Variants in POLN observed in about 807,000 individuals in gnomAD.
POLN encodes the protein DNA polymerase nu, also known as DNA polymerase N.
Under a neutral mutation model 113.5 loss-of-function variants are expected in POLN, and 108 were observed. The observed-to-expected ratio is 0.95, with a 90% CI of 0.81 to 1.12. The LOEUF (loss-of-function observed/expected upper bound fraction) is 1.12, where lower values mean the gene tolerates loss of function less well. POLN is among the 50% of genes most tolerant of loss of function. The pLI is 0.00. For missense variants in POLN, 1,097 were observed against 1,077.1 expected, an observed-to-expected ratio of 1.02 and a Z score of -0.26; for synonymous variants, 386 against 391.5, an observed-to-expected ratio of 0.99 and a Z score of 0.17.
At position 2,081,219 on chromosome 4, in the gene POLN, C is replaced by G; in HGVS notation, c.2309-183G>C. The G allele has an allele frequency of 2.6e-6, 4 of 1,545,404 alleles. No homozygotes were observed. The South Asian group carries it at 4.7e-5, about 18-fold the overall frequency. ...ACTTCGTCCTTGCTCCTCCCGCCCTCTTGCTCCTGCAGGGCACCTGGGTTT... is the reference window on the plus strand; with the variant it reads ...ACTTCGTCCTTGCTCCTCCCGCCCTGTTGCTCCTGCAGGGCACCTGGGTTT... On this transcript the variant is annotated intron_variant, in intron 22 of 25. Coordinates refer to ENST00000511885, the MANE Select transcript of POLN (RefSeq NM_181808.4).
intron 3 of POLN, among the ~76,000 whole-genome samples, chr4:2,219,713 C>T (rs551329013): frequency 6.6e-6 from 1 of 152,160 alleles, no homozygotes; most frequent in African/African-American, 2.4e-5. Context: ...CAGCCCTCCA[C>T]AATATGGCCA....
chr4:2,189,657 A>G lies in POLN; in HGVS notation c.1021+3547T>C, dbSNP rs533694363. ...CCATCTCAAACAAAAAAAAAAGAAAAAAAATCAATGTTACATGAAGCAATC... is the reference window on the plus strand; with the variant it reads ...CCATCTCAAACAAAAAAAAAAGAAAGAAAATCAATGTTACATGAAGCAATC... On this transcript the variant is annotated intron_variant, in intron 7 of 25. Coordinates refer to ENST00000511885, the MANE Select transcript of POLN (RefSeq NM_181808.4). Among the ~76,000 whole-genome samples, 4 of 152,004 alleles carry G rather than the reference A, an allele frequency of 2.6e-5. No individual in the cohort carries two copies. The South Asian group carries it at 8.3e-4, about 32-fold the overall frequency.
At chr4:2,108,613 T>C (rs1407258192) in intron 19 of POLN, among the ~76,000 whole-genome samples, 4 of 152,186 alleles carry the variant, frequency 2.6e-5, no homozygotes, top group East Asian at 1.9e-4. Context: ...TTGCATCACA[T>C]GTATTGACGC....
At chr4:2,226,970 G>C (rs1267496634) in intron 3 of POLN, among the ~76,000 whole-genome samples, 1 of 152,150 alleles carries the variant, frequency 6.6e-6, no homozygotes, top group Non-Finnish European at 1.5e-5. Context: ...GGATTCATAT[G>C]ATGAAGGAAT....
intron 19 of POLN, among the ~76,000 whole-genome samples, chr4:2,109,382 TAATC>T (rs1228087642): frequency 3.3e-5 from 5 of 152,140 alleles, no homozygotes; most frequent in African/African-American, 1.2e-4. Context: ...AAAAGAGCAA[TAATC>T]AAAATAATAC....
chr4:2,178,610 G>C (rs1306639079), intron 8 of POLN, among the ~76,000 whole-genome samples: 1 of 150,786 alleles, frequency 6.6e-6, no homozygotes, highest in Non-Finnish European at 1.5e-5. Flanking sequence ...AGAGGCCCAA[G>C]ACAGTTTTTT....
intron 20 of POLN, among the ~76,000 whole-genome samples, chr4:2,094,911 A>C (rs1730748747): frequency 6.6e-6 from 1 of 152,120 alleles, no homozygotes; most frequent in East Asian, 1.9e-4. Context: ...TGAATAAACA[A>C]AGGGTTTCCA....
At chr4:2,090,118 GCTAA>G (rs1308721262) in intron 20 of POLN, 8 of 975,942 alleles carry the variant, frequency 8.2e-6, no homozygotes, top group Non-Finnish European at 9.2e-6. Context: ...CAAATGATTT[GCTAA>G]CTGAGGATAA....
intron 6 of POLN, among the ~76,000 whole-genome samples, chr4:2,195,077 C>A (rs1243506648): frequency 3.9e-5 from 6 of 151,948 alleles, no homozygotes; most frequent in African/African-American, 1.5e-4. Context: ...AGGCCTTGCA[C>A]AGGTCATTTA....
At chr4:2,202,494 C>A (rs112576540) in intron 5 of POLN, among the ~76,000 whole-genome samples, 50 of 152,200 alleles carry the variant, frequency 3.3e-4, no homozygotes, top group African/African-American at 1.2e-3. Flanking sequence ...GAGGCCCACA[C>A]GGGCAGATCA....
At chr4:2,211,146 A>G (rs1270246021) in intron 4 of POLN, among the ~76,000 whole-genome samples, 1 of 147,062 alleles carries the variant, frequency 6.8e-6, no homozygotes, top group African/African-American at 2.5e-5. Flanking sequence ...AGCTACTCAG[A>G]GGCTGAGGCA....
chr4:2,171,412 T>C (rs74393512), intron 11 of POLN, among the ~76,000 whole-genome samples: 2 of 135,814 alleles, frequency 1.5e-5, no homozygotes, highest in Non-Finnish European at 3.2e-5. Flanking sequence ...AAAAAAAAAA[T>C]TAGCCAGGCA....
At chr4:2,144,383 T>G (rs1189194852) in intron 16 of POLN, among the ~76,000 whole-genome samples, 1 of 152,060 alleles carries the variant, frequency 6.6e-6, no homozygotes, top group Non-Finnish European at 1.5e-5. Flanking sequence ...GACCTTGTGA[T>G]CTGCCTGCCT....
intron 19 of POLN, among the ~76,000 whole-genome samples, chr4:2,096,821 C>G (rs1262649827): frequency 6.6e-6 from 1 of 152,086 alleles, no homozygotes; most frequent in Non-Finnish European, 1.5e-5. Context: ...ATTGCTTAGC[C>G]AGGCTTTTCA....
At chr4:2,183,287 T>G (rs1374076044) in intron 7 of POLN, among the ~76,000 whole-genome samples, 1 of 152,210 alleles carries the variant, frequency 6.6e-6, no homozygotes, top group Non-Finnish European at 1.5e-5. Context: ...ACCCAGCAAT[T>G]CTACTTCTTC....
intron 16 of POLN, among the ~76,000 whole-genome samples, chr4:2,141,420 C>T (rs887557469): frequency 1.5e-4 from 23 of 152,122 alleles, no homozygotes; most frequent in African/African-American, 5.6e-4. Flanking sequence ...TGCTGGGAGC[C>T]TACATACCCC....
intron 19 of POLN, among the ~76,000 whole-genome samples, chr4:2,119,589 C>T (rs556623390): frequency 6.6e-6 from 1 of 152,134 alleles, no homozygotes. Context: ...TTTATATAAG[C>T]TTAAAGGTTT....
At position 2,156,857 on chromosome 4, in the gene POLN, T is replaced by C. The variant is rs750118181; in HGVS notation, c.1666-4A>G. On this transcript the variant is annotated splice_region_variant and splice_polypyrimidine_tract_variant and intron_variant, in intron 15 of 25. Coordinates refer to ENST00000511885, the MANE Select transcript of POLN (RefSeq NM_181808.4). ...TCCATGTAGAGGAAATGGAGCCCTT[T>C]ATTAGTTAAAAAGAATCAGTGTAAA... 1 of 1,609,216 alleles carries C rather than the reference T, an allele frequency of 6.2e-7. No homozygotes were observed. Among genetic ancestry groups the C allele is most frequent in the Non-Finnish European group, 8.5e-7 (1 of 1,175,508 alleles).
chr4:2,134,240 GTTTA>G (rs1191321925), intron 16 of POLN, among the ~76,000 whole-genome samples: 1 of 152,146 alleles, frequency 6.6e-6, no homozygotes, highest in Admixed American at 6.6e-5. Flanking sequence ...ATGTGTCACA[GTTTA>G]TTTATCTATT....
Sources: gnomAD v4.1 joint callset for allele counts (sites outside exome capture counted in the v4.1 genomes callset) on GRCh38, gnomAD v4.1.1 for gene constraint, MANE v1.5 for transcripts, NCBI Gene and HGNC (gene_info 2026-07-23, HGNC 2026-07-21) for gene names.